The following NIT2 variants were observed in gnomAD, a reference collection of about 807,000 sequenced individuals.
The protein encoded by NIT2 is nitrilase family member 2.
A neutral mutation model predicts 42.7 loss-of-function variants in NIT2; 46 were observed. The ratio of observed to expected loss-of-function variants is 1.08; its 90% CI spans 0.85 to 1.38. NIT2 has a LOEUF of 1.38. NIT2 is among the 40% of genes most tolerant of loss of function. The pLI is 0.00. For missense variants in NIT2, 309 were observed against 342.5 expected (o/e 0.90, Z 0.77); for synonymous variants, 123 against 121.9 (o/e 1.01, Z -0.06).
chr3:100,344,134 T>C (rs901829371), intron 4 of NIT2, among the ~76,000 whole-genome samples: 7 of 152,352 alleles, frequency 4.6e-5, no homozygotes, highest in Admixed American at 1.3e-4. Context: ...ATTTCAGGAT[T>C]TCCCCCCTTG....
At chr3:100,345,893 G>T (rs552504201) in intron 5 of NIT2, 2 of 601,048 alleles carry the variant, frequency 3.3e-6, no homozygotes, top group Admixed American at 3.0e-5. Context: ...GTAGCTTCCT[G>T]TTACGGCTTC....
intron 8 of NIT2, among the ~76,000 whole-genome samples, chr3:100,353,772 T>C (rs1400750668): frequency 1.4e-5 from 1 of 71,134 alleles, no homozygotes; most frequent in Non-Finnish European, 2.6e-5. Flanking sequence ...GATAGTTTCT[T>C]TTTTCTTTTT....
intron 5 of NIT2, 159 bp from the exon 6 acceptor site, chr3:100,346,022 C>G (rs1706212976): frequency 1.6e-6 from 1 of 626,834 alleles, no homozygotes; most frequent in Non-Finnish European, 2.9e-6. Flanking sequence ...GAGATGAAGT[C>G]CAAGTAGGAA....
chr3:100,342,804 C>A (rs2148881941), intron 4 of NIT2, among the ~76,000 whole-genome samples: 1 of 152,116 alleles, frequency 6.6e-6, no homozygotes, highest in South Asian at 2.1e-4. Context: ...TTTATGTTTA[C>A]CCAAATATTT....
In NIT2 at chr3:100,360,583, A is replaced by G. The variant is rs1706370761; in HGVS notation, c.*5315A>G. 1 of 152,244 alleles carries G rather than the reference A, an allele frequency of 6.6e-6. No individual in the cohort carries two copies. Among genetic ancestry groups the G allele is most frequent in the Non-Finnish European group, 1.5e-5 (1 of 68,060 alleles). 9.4% of individuals were successfully genotyped at this position (152,244 alleles called of 1,614,324 possible). A position where few individuals can be genotyped will look rare whatever the true frequency, so the allele number is the denominator to read the frequency against. On this transcript the variant is annotated 3_prime_UTR_variant, in exon 10 of 10. Transcript: ENST00000394140. ...ACAGAGTTAAACTGTATCAAAAAAAAAATGCAGTATTGATTTAGAGCTAAG... is the reference window on the plus strand; with the variant it reads ...ACAGAGTTAAACTGTATCAAAAAAAGAATGCAGTATTGATTTAGAGCTAAG...
At chr3:100,348,741 G>C in intron 6 of NIT2, 62 bp from the exon 7 acceptor site, 1 of 1,301,848 alleles carries the variant, frequency 7.7e-7, no homozygotes, top group Non-Finnish European at 1.1e-6. Context: ...GGAACAGTGG[G>C]GAGGACTGGT....
intron 6 of NIT2, among the ~76,000 whole-genome samples, chr3:100,346,947 G>A (rs1340760404): frequency 3.3e-5 from 5 of 152,102 alleles, no homozygotes; most frequent in African/African-American, 7.2e-5. Flanking sequence ...GGGCTCTGGG[G>A]TCAGTAGTCT....
At chr3:100,353,131 T>G (rs1706290876) in intron 8 of NIT2, among the ~76,000 whole-genome samples, 1 of 152,246 alleles carries the variant, frequency 6.6e-6, no homozygotes, top group African/African-American at 2.4e-5. Context: ...ATTGTTCTTA[T>G]TAAGCCCAGT....
chr3:100,342,749 T>G (rs989262907), intron 4 of NIT2, among the ~76,000 whole-genome samples: 11 of 152,130 alleles, frequency 7.2e-5, no homozygotes, highest in African/African-American at 2.4e-4. Flanking sequence ...AATACTTGAT[T>G]TAAATAGTCA....
Position 100,348,795 on chromosome 3 carries a change from T to C in NIT2, c.506-8T>C. On this transcript the variant is annotated splice_region_variant and splice_polypyrimidine_tract_variant and intron_variant, in intron 6 of 9. Coordinates refer to ENST00000394140, the MANE Select transcript of NIT2 (RefSeq NM_020202.5). ...CATCCACTGTTCTTTGGCTTTTCTC[T>C]CCCCAAGGCTGCCAGCTGTTGGTAT... The C allele has an allele frequency of 6.2e-7, 1 of 1,613,594 alleles. No individual in the cohort carries two copies. Among genetic ancestry groups the C allele is most frequent in the Non-Finnish European group, 8.5e-7 (1 of 1,179,594 alleles).
chr3:100,336,878 G>C (rs1488085463), intron 1 of NIT2, among the ~76,000 whole-genome samples: 1 of 152,174 alleles, frequency 6.6e-6, no homozygotes, highest in Admixed American at 6.5e-5. Context: ...ACCCTTTACG[G>C]GTGTCGGGCT....
At position 100,340,644 on chromosome 3, in the gene NIT2, T is replaced by C. The variant is rs188211943; in HGVS notation, c.248-429T>C. Among the ~76,000 whole-genome samples the C allele has an allele frequency of 5.9e-5, 9 of 152,026 alleles. No individual in the cohort carries two copies. The East Asian group carries it at 7.7e-4, about 13-fold the overall frequency. On this transcript the variant is annotated intron_variant, in intron 3 of 9. Transcript: ENST00000394140. ...GCTTCTGACTTTACGTTCTCATCTT[T>C]TGGGACACAGTTTTGTTGCAGAACC...
At chr3:100,346,106 C>T (rs1014706110) in intron 5 of NIT2, 75 bp from the exon 6 acceptor site, 18 of 1,142,396 alleles carry the variant, frequency 1.6e-5, no homozygotes, top group Non-Finnish European at 1.8e-5. Context: ...ATCATTATGT[C>T]ATGGAGGATT....
At chr3:100,338,274 G>A (rs1706101998) in intron 1 of NIT2, among the ~76,000 whole-genome samples, 1 of 152,208 alleles carries the variant, frequency 6.6e-6, no homozygotes, top group Admixed American at 6.5e-5. Flanking sequence ...CAGTTCCCTT[G>A]TTCAGATAGC....
At chr3:100,337,517 G>A (rs565107746) in intron 1 of NIT2, among the ~76,000 whole-genome samples, 2 of 152,104 alleles carry the variant, frequency 1.3e-5, no homozygotes, top group Non-Finnish European at 2.9e-5. Context: ...GCAGTGGCGC[G>A]ATCTTGGCTC....
chr3:100,354,969 G>A (rs878992417), intron 9 of NIT2, 142 bp downstream of exon 9: 1 of 829,830 alleles, frequency 1.2e-6, no homozygotes, highest in African/African-American at 1.7e-5. Context: ...CTAGGGTCTG[G>A]TTCTCTGGCC....
intron 3 of NIT2, among the ~76,000 whole-genome samples, chr3:100,340,404 T>A (rs917670891): frequency 2.6e-4 from 39 of 152,172 alleles, no homozygotes; most frequent in Non-Finnish European, 4.6e-4. Context: ...AGAAAAAAAA[T>A]TTTTTTCCAT....
chr3:100,339,789 T>G, intron 2 of NIT2, 26 bp from the exon 3 acceptor site: 1 of 1,596,302 alleles, frequency 6.3e-7, no homozygotes, highest in Non-Finnish European at 8.5e-7. Flanking sequence ...TTTGATCTTT[T>G]TTTTTCTCTG....
At chr3:100,334,912 C>A (rs1214373863) in intron 1 of NIT2, 114 bp downstream of exon 1, 2 of 1,055,458 alleles carry the variant, frequency 1.9e-6, no homozygotes, top group Non-Finnish European at 2.4e-6. Context: ...CCCCGCCGTG[C>A]GCGGCCTTCC....
Sources: allele counts gnomAD v4.1 joint callset (sites outside exome capture counted in the v4.1 genomes callset), GRCh38; gene constraint gnomAD v4.1.1; transcripts MANE v1.5; gene names NCBI Gene and HGNC (gene_info 2026-07-23, HGNC 2026-07-21).